Variants in SHMT1 observed in about 807,000 individuals in gnomAD.
SHMT1 encodes serine hydroxymethyltransferase 1.
In SHMT1, 45 loss-of-function variants were observed where a neutral mutation model predicts 49.0. The observed-to-expected ratio is 0.92, with a 90% CI of 0.72 to 1.18. The LOEUF (loss-of-function observed/expected upper bound fraction) is 1.18. Among genes scored for constraint, SHMT1 ranks in the 50% most tolerant of loss-of-function variants. SHMT1 has a pLI of 0.00. For synonymous variants in SHMT1, 232 were observed against 246.6 expected (o/e 0.94, Z 0.55); for missense variants, 541 against 612.4 (o/e 0.88, Z 1.23).
intron 7 of SHMT1, 56 bp downstream of exon 7, chr17:18,339,987 C>A: frequency 6.4e-7 from 1 of 1,555,784 alleles, no homozygotes; most frequent in Non-Finnish European, 8.8e-7. Context: ...ATCTGAACCC[C>A]CACAGGAGAA....
chr17:18,354,712 T>C (rs1029671920), intron 2 of SHMT1, among the ~76,000 whole-genome samples: 1 of 152,040 alleles, frequency 6.6e-6, no homozygotes, highest in Non-Finnish European at 1.5e-5. Context: ...TCTCCCTCCC[T>C]GAACCTTATT....
chr17:18,355,299 G>A (rs555843733), intron 2 of SHMT1, among the ~76,000 whole-genome samples: 2 of 151,136 alleles, frequency 1.3e-5, no homozygotes, highest in East Asian at 2.0e-4. Context: ...GAACCCAGGA[G>A]GTGGAACTTG....
At chr17:18,353,623 T>TATGTACTC (rs1985936360) in intron 3 of SHMT1, 49 bp downstream of exon 3, 1 of 1,591,414 alleles carries the variant, frequency 6.3e-7, no homozygotes, top group Non-Finnish European at 8.6e-7. Flanking sequence ...GCTGACTGAG[T>TATGTACTC]ACTCCCTATG....
At chr17:18,334,328 A>T (rs1420009090) in intron 8 of SHMT1, among the ~76,000 whole-genome samples, 3 of 152,036 alleles carry the variant, frequency 2.0e-5, no homozygotes, top group African/African-American at 7.2e-5. Context: ...GGCTCAAGTG[A>T]CCCACCCACC....
At chr17:18,349,543 T>C (rs1985458789) in intron 3 of SHMT1, among the ~76,000 whole-genome samples, 1 of 151,730 alleles carries the variant, frequency 6.6e-6, no homozygotes, top group Non-Finnish European at 1.5e-5. Context: ...CATAGTGAGA[T>C]CTCAGCTCTA....
chr17:18,338,028 C>T (rs182703279), intron 7 of SHMT1, among the ~76,000 whole-genome samples: 26 of 148,806 alleles, frequency 1.7e-4, no homozygotes, highest in African/African-American at 6.4e-4. Flanking sequence ...TCTGCCTGGC[C>T]GCTCATCATC....
In SHMT1 at chr17:18,340,752, T is replaced by A. The variant is rs1352970361; in HGVS notation, c.581A>T (p.His194Leu). The change falls in exon 6 of 12, where the codon CAC (histidine) becomes CTC (leucine). Residue 194 changes from histidine to leucine, a missense_variant. By Grantham distance (99) the His-to-Leu change is moderately conservative (BLOSUM62 -3). Coordinates refer to ENST00000316694, the MANE Select transcript of SHMT1 (RefSeq NM_004169.5). The surrounding 1 kb of genome is among the most constrained non-coding windows in gnomAD (Gnocchi z 4.5). ...DQLEENARLFHPKLIIAGTSC... is the reference protein window; with the variant it reads ...DQLEENARLFLPKLIIAGTSC... ...ATCACCTGCGATGATCAGCTTCGGG[T>A]GGAAGAGGCGTGCGTTCTCCTCCAG... is the stretch of plus-strand genomic sequence containing the variant. The A allele has an allele frequency of 2.5e-6, 4 of 1,612,918 alleles. No individual in the cohort carries two copies.
Position 18,340,656 on chromosome 17 carries a change from A to AGCCC in SHMT1, c.601+75_601+76insGGGC, listed in dbSNP as rs1313564853. 1 of 1,340,166 alleles carries AGCCC rather than the reference A, an allele frequency of 7.5e-7. No homozygotes were observed. Among genetic ancestry groups the AGCCC allele is most frequent in the Non-Finnish European group, 1.1e-6 (1 of 951,724 alleles). The allele number at this position is 1,340,166 out of a possible 1,614,324, so 83.0% of individuals were successfully genotyped here. On this transcript the variant is annotated intron_variant, in intron 6 of 11. Transcript: ENST00000316694. This position sits in a 1 kb window ranked among gnomAD's most constrained non-coding sequence, Gnocchi z 4.5. The stretch of plus-strand genomic sequence containing the variant: ...CTAGCAGTGGGCTCAACAGGGTGCG[A>AGCCC]ACATCTTTCCATCCTCATTCTGTAA...
intron 9 of SHMT1, 79 bp from the exon 10 acceptor site, chr17:18,330,750 T>G (rs1983121349): frequency 2.9e-6 from 3 of 1,036,282 alleles, no homozygotes. Flanking sequence ...AAGGCGAGGA[T>G]GAAGGCAGTC....
intron 1 of SHMT1, among the ~76,000 whole-genome samples, chr17:18,357,080 G>C (rs1697560588): frequency 6.6e-6 from 1 of 151,938 alleles, no homozygotes; most frequent in Non-Finnish European, 1.5e-5. Context: ...TGGAGTTGGA[G>C]ACCATCCTGG....
At chr17:18,341,265 A>C in intron 5 of SHMT1, 1 of 205,464 alleles carries the variant, frequency 4.9e-6, no homozygotes, top group Non-Finnish European at 1.0e-5. Context: ...AGACAACACA[A>C]TATACCTAGA....
At chr17:18,352,827 GA>G (rs965055290) in intron 3 of SHMT1, among the ~76,000 whole-genome samples, 246 of 93,406 alleles carry the variant, frequency 2.6e-3, no homozygotes, top group African/African-American at 8.5e-3. Context: ...CAAAAAAGAA[GA>G]AAAAAAAAAA....
chr17:18,330,833 C>G, intron 9 of SHMT1, 162 bp from the exon 10 acceptor site: 2 of 680,168 alleles, frequency 2.9e-6, no homozygotes, highest in South Asian at 3.0e-5. Context: ...GAGAGATGCC[C>G]GTGCCTAAGA....
At chr17:18,357,997 AG>A (rs1448132895) in intron 1 of SHMT1, among the ~76,000 whole-genome samples, 2 of 149,788 alleles carry the variant, frequency 1.3e-5, no homozygotes, top group East Asian at 4.0e-4. Context: ...CCAAGTAGCC[AG>A]GAACACAGGC....
intron 3 of SHMT1, among the ~76,000 whole-genome samples, chr17:18,352,150 CTTTT>C (rs60700438): frequency 2.3e-5 from 3 of 132,788 alleles, no homozygotes; most frequent in Non-Finnish European, 4.7e-5. Flanking sequence ...CAGTCCCCTT[CTTTT>C]TTTTTTTTTT....
In SHMT1 at chr17:18,347,546, T is replaced by G. The variant is rs754265229; in HGVS notation, c.469A>C (p.Lys157Gln). The G allele has an allele frequency of 1.2e-6, 2 of 1,614,182 alleles. No individual in the cohort carries two copies. The highest frequency in any genetic ancestry group is 1.7e-6 in the Non-Finnish European group (2 of 1,180,046). Residue 157 changes from lysine to glutamine, a missense_variant, in exon 5 of 12, where the codon AAG (lysine) becomes CAG (glutamine). Lys to Gln is a moderately conservative substitution (Grantham distance 53). Transcript: ENST00000316694. ...ATGGACGTGGCAGAGATTTTCTTCTTGTCTGTCATGAACCCATGGGTCAGG... is the reference window on the plus strand; with the variant it reads ...ATGGACGTGGCAGAGATTTTCTTCTGGTCTGTCATGAACCCATGGGTCAGG... ...GHLTHGFMTDKKKISATSIFF... is the reference protein window; with the variant it reads ...GHLTHGFMTDQKKISATSIFF...
intron 10 of SHMT1, among the ~76,000 whole-genome samples, chr17:18,329,910 G>A (rs1277139843): frequency 6.6e-6 from 1 of 152,188 alleles, no homozygotes; most frequent in Non-Finnish European, 1.5e-5. Context: ...CGCCTAAGCT[G>A]GAGTGCAGTG....
At position 18,328,837 on chromosome 17, in the gene SHMT1, AT is replaced by A. The variant is rs1186527500; in HGVS notation, c.1364del (p.Asp455ValfsTer88). The A allele has an allele frequency of 3.7e-6, 6 of 1,613,736 alleles. No homozygotes were observed. The highest frequency in any genetic ancestry group is 5.1e-6 in the Non-Finnish European group (6 of 1,180,014). ...LKEFKERLAG[D>X]KYQAAVQALR... is the part of the protein sequence containing the mutation. ...GAGCCTGCACGGCCGCCTGGTACTT[AT>A]CCCCTGCCAGTCTCTCCTTGAACTC... On this transcript the variant is annotated frameshift_variant, in exon 12 of 12. Coordinates refer to ENST00000316694, the MANE Select transcript of SHMT1 (RefSeq NM_004169.5). LOFTEE classifies it low-confidence loss of function (END_TRUNC).
Position 18,333,257 on chromosome 17 carries a change from A to C in SHMT1, c.963T>G (p.Thr321=), listed in dbSNP as rs765109103. ...GVAVALKQAM[T]LEFKVYQHQV... ...GGTGTTGATAAACTTTAAATTCCAGAGTCATAGCTTGCTTCAGTGCCACAG... is the reference window on the plus strand; with the variant it reads ...GGTGTTGATAAACTTTAAATTCCAGCGTCATAGCTTGCTTCAGTGCCACAG... The change falls in exon 9 of 12, where the codon ACT becomes ACG. Residue 321 remains threonine (T), a synonymous_variant. Coordinates refer to ENST00000316694, the MANE Select transcript of SHMT1 (RefSeq NM_004169.5). 6.2e-7 allele frequency: 1 copy of C among 1,613,748 alleles called. No homozygotes were observed. Among genetic ancestry groups the C allele is most frequent in the Admixed American group, 1.7e-5 (1 of 60,008 alleles).
Sources: allele counts gnomAD v4.1 joint callset (sites outside exome capture counted in the v4.1 genomes callset), GRCh38; gene constraint gnomAD v4.1.1; non-coding constraint Gnocchi (gnomAD v3.1); transcripts MANE v1.5; gene names NCBI Gene and HGNC (gene_info 2026-07-23, HGNC 2026-07-21).